NPFFR2: variants seen among roughly 807,000 people sequenced by gnomAD.
The protein encoded by NPFFR2 is neuropeptide FF receptor 2.
Under a neutral mutation model 13.1 loss-of-function variants are expected in NPFFR2, and 15 were observed. The ratio of observed to expected loss-of-function variants is 1.15; its 90% CI spans 0.77 to 1.76. NPFFR2 has a LOEUF of 1.76. Among genes scored for constraint, NPFFR2 ranks in the 40% most tolerant of loss-of-function variants. The pLI, the probability that NPFFR2 is intolerant of heterozygous loss-of-function variation, is 0.00. For missense variants in NPFFR2, 572 were observed against 503.5 expected (o/e 1.14, Z -1.30); for synonymous variants, 190 against 175.7 (o/e 1.08, Z -0.65).
intron 1 of NPFFR2, among the ~76,000 whole-genome samples, chr4:72,121,102 A>G (rs893568598): frequency 2.6e-5 from 4 of 152,090 alleles, no homozygotes; most frequent in African/African-American, 7.2e-5. Context: ...TTCATGAAAC[A>G]TAAACAACTA....
chr4:72,034,289 T>C (rs994461950), intron 1 of NPFFR2, among the ~76,000 whole-genome samples: 1 of 152,190 alleles, frequency 6.6e-6, no homozygotes, highest in Non-Finnish European at 1.5e-5. Flanking sequence ...AAGATTTAAT[T>C]GACTCAAAGT....
intron 3 of NPFFR2, among the ~76,000 whole-genome samples, chr4:72,138,441 G>A (rs1722490526): frequency 6.7e-6 from 1 of 148,350 alleles, no homozygotes; most frequent in Non-Finnish European, 1.5e-5. Flanking sequence ...GCCCCAGTGT[G>A]TGATGTTCCC....
chr4:72,069,511 T>C (rs1452437445), intron 1 of NPFFR2, among the ~76,000 whole-genome samples: 1 of 152,156 alleles, frequency 6.6e-6, no homozygotes, highest in African/African-American at 2.4e-5. Context: ...AAAGCCATTT[T>C]TATTAAAATA....
At chr4:72,062,522 TA>T (rs5859300) in intron 1 of NPFFR2, among the ~76,000 whole-genome samples, 2,066 of 148,758 alleles carry the variant, frequency 0.014, 39 homozygotes, top group African/African-American at 0.043. Context: ...TAATAGATTG[TA>T]AAAAAAAAAA....
chr4:72,130,597 T>C (rs924765193), intron 2 of NPFFR2, among the ~76,000 whole-genome samples: 6 of 152,158 alleles, frequency 3.9e-5, no homozygotes, highest in African/African-American at 1.2e-4. Flanking sequence ...TGACCCCTGC[T>C]TGGGACTGGT....
chr4:72,116,596 A>C (rs1406932574), intron 1 of NPFFR2, among the ~76,000 whole-genome samples: 1 of 152,172 alleles, frequency 6.6e-6, no homozygotes, highest in African/African-American at 2.4e-5. Context: ...AGAAAAAAAT[A>C]GTACTTTTGA....
At chr4:72,101,524 A>T (rs1250701543) in intron 1 of NPFFR2, among the ~76,000 whole-genome samples, 1 of 151,760 alleles carries the variant, frequency 6.6e-6, no homozygotes, top group East Asian at 1.9e-4. Flanking sequence ...ATACTCAATG[A>T]CTAATAATAA....
chr4:72,110,779 A>G (rs1165844975), intron 1 of NPFFR2, among the ~76,000 whole-genome samples: 2 of 151,988 alleles, frequency 1.3e-5, no homozygotes, highest in Admixed American at 1.3e-4. Context: ...GGGTGCATCT[A>G]ATATTATCTG....
At chr4:72,103,025 C>T (rs1721302611) in intron 1 of NPFFR2, among the ~76,000 whole-genome samples, 1 of 152,124 alleles carries the variant, frequency 6.6e-6, no homozygotes. Flanking sequence ...ACATCCTCTC[C>T]AGCACCTGTT....
At chr4:72,134,856 T>C (rs1722357545) in intron 2 of NPFFR2, among the ~76,000 whole-genome samples, 1 of 152,142 alleles carries the variant, frequency 6.6e-6, no homozygotes, top group African/African-American at 2.4e-5. Context: ...CCTTCACTGA[T>C]ACCCTAACAA....
In NPFFR2 at chr4:72,032,103, GC is replaced by G. The variant is rs1718938247; in HGVS notation, c.-104del. On this transcript the variant is annotated 5_prime_UTR_variant, in exon 1 of 4. Coordinates refer to ENST00000308744, the MANE Select transcript of NPFFR2 (RefSeq NM_004885.3). ...TCGGCTGGGATTGAGCCGGCAGACTGCGAAAAGTAGCTGGAGCCGGAGCAGG... is the reference window on the plus strand; with the variant it reads ...TCGGCTGGGATTGAGCCGGCAGACTGGAAAAGTAGCTGGAGCCGGAGCAGG... 1 of 1,614,014 alleles carries G rather than the reference GC, an allele frequency of 6.2e-7. No homozygotes were observed. Among genetic ancestry groups the G allele is most frequent in the African/African-American group, 1.3e-5 (1 of 74,944 alleles).
In NPFFR2 at chr4:72,147,571, G is replaced by T. The variant is rs749148721; in HGVS notation, c.1022G>T (p.Arg341Leu). ...IIYGFFNENF[R>L]RGFQEAFQLQ... is the part of the protein sequence containing the mutation. The stretch of plus-strand genomic sequence containing the variant: ...TATGGTTTCTTCAACGAGAATTTCC[G>T]CCGTGGTTTCCAAGAAGCTTTCCAG... The change falls in exon 4 of 4, where the codon CGC becomes CTC. Residue 341 changes from arginine (R) to leucine (L), a missense_variant. By Grantham distance (102) the Arg-to-Leu change is moderately radical. Coordinates refer to ENST00000308744, the MANE Select transcript of NPFFR2 (RefSeq NM_004885.3). 3 of 1,614,148 alleles carry T rather than the reference G, an allele frequency of 1.9e-6. No individual in the cohort carries two copies. The highest frequency in any genetic ancestry group is 8.5e-7 in the Non-Finnish European group (1 of 1,180,030).
chr4:72,123,821 A>G (rs950139225), intron 1 of NPFFR2, among the ~76,000 whole-genome samples: 1 of 152,238 alleles, frequency 6.6e-6, no homozygotes, highest in African/African-American at 2.4e-5. Flanking sequence ...TGAATAGGCA[A>G]AAACTGGAAG....
At position 72,147,573 on chromosome 4, in the gene NPFFR2, C is replaced by T. The variant is rs780068465; in HGVS notation, c.1024C>T (p.Arg342Cys). 13 of 1,614,040 alleles carry T rather than the reference C, an allele frequency of 8.1e-6. No individual in the cohort carries two copies. The highest frequency in any genetic ancestry group is 1.7e-5 in the Admixed American group (1 of 60,002). Residue 342 changes from arginine (R) to cysteine (C), a missense_variant, in exon 4 of 4, where the codon CGT becomes TGT. By Grantham distance (180) the Arg-to-Cys change is radical. Transcript: ENST00000308744. ...IYGFFNENFR[R>C]GFQEAFQLQL... Reference sequence around the variant, plus strand: ...TGGTTTCTTCAACGAGAATTTCCGCCGTGGTTTCCAAGAAGCTTTCCAGCT... The same window carrying T: ...TGGTTTCTTCAACGAGAATTTCCGCTGTGGTTTCCAAGAAGCTTTCCAGCT...
intron 3 of NPFFR2, among the ~76,000 whole-genome samples, chr4:72,141,613 T>C (rs1339552082): frequency 2.6e-5 from 4 of 152,116 alleles, no homozygotes; most frequent in African/African-American, 9.6e-5. Flanking sequence ...GATTGCACTG[T>C]GGTCTGAGTG....
chr4:72,098,857 T>C (rs1329562700), intron 1 of NPFFR2, among the ~76,000 whole-genome samples: 1 of 152,158 alleles, frequency 6.6e-6, no homozygotes, highest in African/African-American at 2.4e-5. Context: ...TAGACATGTG[T>C]CACTTCTTGT....
Position 72,147,018 on chromosome 4 carries a change from A to G in NPFFR2, c.469A>G (p.Ile157Val), listed in dbSNP as rs1427150894. 4 of 1,614,038 alleles carry G rather than the reference A, an allele frequency of 2.5e-6. No individual in the cohort carries two copies. The South Asian group carries it at 3.3e-5, about 13-fold the overall frequency. Residue 157 changes from isoleucine (I) to valine (V), a missense_variant, in exon 4 of 4, where the codon ATC (isoleucine) becomes GTC (valine). By Grantham distance (29) the Ile-to-Val change is conservative (BLOSUM62 3). Coordinates refer to ENST00000308744, the MANE Select transcript of NPFFR2 (RefSeq NM_004885.3). ...VVYPFKPKLT[I>V]KTAFVIIMII... ...CTACCCTTTTAAACCAAAGCTCACT[A>G]TCAAGACAGCGTTTGTCATTATTAT...
At chr4:72,072,173 G>A (rs1215006288) in intron 1 of NPFFR2, among the ~76,000 whole-genome samples, 1 of 152,024 alleles carries the variant, frequency 6.6e-6, no homozygotes, top group East Asian at 1.9e-4. Flanking sequence ...AAATCATAAA[G>A]CATATTTACA....
In NPFFR2 at chr4:72,032,098, A is replaced by C. The variant is rs750299127; in HGVS notation, c.-110A>C. 1.2e-5 allele frequency: 20 copies of C among 1,613,998 alleles called. No homozygotes were observed. The Admixed American group carries it at 1.5e-4, about 12-fold the overall frequency. ...AGACGTCGGCTGGGATTGAGCCGGC[A>C]GACTGCGAAAAGTAGCTGGAGCCGG... On this transcript the variant is annotated 5_prime_UTR_variant, in exon 1 of 4. Transcript: ENST00000308744.
Sources: gnomAD v4.1 joint callset for allele counts (sites outside exome capture counted in the v4.1 genomes callset) on GRCh38, gnomAD v4.1.1 for gene constraint, MANE v1.5 for transcripts, NCBI Gene and HGNC (gene_info 2026-07-23, HGNC 2026-07-21) for gene names.